The following DCHS2 variants were observed in gnomAD, a reference collection of about 807,000 sequenced individuals.
The protein encoded by DCHS2 is dachsous cadherin-related 2.
Under a neutral mutation model 182.4 loss-of-function variants are expected in DCHS2, and 142 were observed. The observed-to-expected ratio is 0.78, with a 90% confidence interval of 0.68 to 0.89. The LOEUF is 0.89. Ranked by LOEUF, DCHS2 falls within the 40% of genes least tolerant of loss-of-function variation. DCHS2 has a pLI of 0.00. For missense variants in DCHS2, 4,319 were observed against 4,198.6 expected (o/e 1.03, Z -0.79); for synonymous variants, 1,740 against 1,663.3 (o/e 1.05, Z -1.12).
At chr4:154,424,062 C>T (rs761111440) in intron 1 of DCHS2, among the ~76,000 whole-genome samples, 2 of 152,144 alleles carry the variant, frequency 1.3e-5, no homozygotes, top group Non-Finnish European at 2.9e-5. Context: ...TTAACAAATG[C>T]TTGATGAATT....
At chr4:154,323,606 A>T (rs1191818585) in intron 7 of DCHS2, among the ~76,000 whole-genome samples, 1 of 152,216 alleles carries the variant, frequency 6.6e-6, no homozygotes, top group Non-Finnish European at 1.5e-5. Context: ...TGAGATCCAA[A>T]ATATTCCAAA....
At chr4:154,475,554 A>G (rs1443489905) in intron 1 of DCHS2, among the ~76,000 whole-genome samples, 1 of 152,176 alleles carries the variant, frequency 6.6e-6, no homozygotes, top group African/African-American at 2.4e-5. Context: ...CAGTCCCATT[A>G]TTTGTTAAGA....
intron 1 of DCHS2, among the ~76,000 whole-genome samples, chr4:154,451,785 T>C (rs528429492): frequency 1.3e-5 from 2 of 152,310 alleles, no homozygotes; most frequent in East Asian, 1.9e-4. Context: ...TCTATACTGA[T>C]AAATGGGATG....
chr4:154,361,517 C>G (rs1730120933), intron 3 of DCHS2, among the ~76,000 whole-genome samples: 1 of 152,096 alleles, frequency 6.6e-6, no homozygotes, highest in African/African-American at 2.4e-5. Flanking sequence ...ATAAATATGT[C>G]TCTTGTGTTT....
At chr4:154,288,285 C>G (rs1357356210) in intron 13 of DCHS2, among the ~76,000 whole-genome samples, 1 of 152,082 alleles carries the variant, frequency 6.6e-6, no homozygotes, top group Non-Finnish European at 1.5e-5. Context: ...ATATTTATAT[C>G]ATATACAATA....
At chr4:154,346,656 C>G (rs1729375362) in intron 3 of DCHS2, among the ~76,000 whole-genome samples, 1 of 151,816 alleles carries the variant, frequency 6.6e-6, no homozygotes, top group South Asian at 2.1e-4. Flanking sequence ...TTCCTGGAAC[C>G]CTGAAAAGTC....
intron 3 of DCHS2, chr4:154,357,156 C>G: frequency 1.9e-6 from 2 of 1,063,680 alleles, no homozygotes; most frequent in South Asian, 1.4e-5. Context: ...CATATAGGTG[C>G]TTTCATGGCC....
chr4:154,484,956 A>G (rs114870667), intron 1 of DCHS2, among the ~76,000 whole-genome samples: 466 of 152,340 alleles, frequency 3.1e-3, no homozygotes, highest in African/African-American at 0.01. Flanking sequence ...GAATGCATCC[A>G]TGACAGGTTG....
intron 3 of DCHS2, among the ~76,000 whole-genome samples, chr4:154,359,429 A>G (rs1730019431): frequency 6.6e-6 from 1 of 152,152 alleles, no homozygotes; most frequent in African/African-American, 2.4e-5. Context: ...GTAGCAATTC[A>G]TAATTAGAAA....
chr4:154,412,324 C>A (rs1305107689), intron 1 of DCHS2, among the ~76,000 whole-genome samples: 1 of 152,146 alleles, frequency 6.6e-6, no homozygotes, highest in African/African-American at 2.4e-5. Flanking sequence ...CAACGTTTTA[C>A]CCCCATCAAT....
At chr4:154,271,837 C>CTG (rs1733612295) in intron 13 of DCHS2, among the ~76,000 whole-genome samples, 1 of 152,066 alleles carries the variant, frequency 6.6e-6, no homozygotes, top group African/African-American at 2.4e-5. Context: ...AATATATACA[C>CTG]TGTGTAATCA....
At chr4:154,390,025 A>G (rs913250933) in intron 1 of DCHS2, among the ~76,000 whole-genome samples, 2 of 152,074 alleles carry the variant, frequency 1.3e-5, no homozygotes, top group African/African-American at 4.8e-5. Context: ...ATCTTTTTAG[A>G]TTACTTGCTT....
intron 1 of DCHS2, among the ~76,000 whole-genome samples, chr4:154,395,223 T>C (rs1731878864): frequency 1.3e-5 from 2 of 152,184 alleles, no homozygotes; most frequent in Admixed American, 1.3e-4. Context: ...CCACATAGTC[T>C]TTCCACAACA....
intron 1 of DCHS2, among the ~76,000 whole-genome samples, chr4:154,443,361 A>T (rs1166949005): frequency 2.6e-5 from 4 of 152,156 alleles, no homozygotes; most frequent in African/African-American, 9.6e-5. Flanking sequence ...GGTAAAATAA[A>T]TTTCTCTCCT....
At chr4:154,385,998 T>C (rs1037019998) in intron 1 of DCHS2, among the ~76,000 whole-genome samples, 5 of 152,218 alleles carry the variant, frequency 3.3e-5, no homozygotes, top group East Asian at 1.9e-4. Context: ...AAGTGACTAA[T>C]TGGCATCTCA....
rs1334549136 is a variant in DCHS2, at chr4:154,489,429, G to A, written c.1927C>T (p.Leu643Phe). 15 of 1,551,654 alleles carry A rather than the reference G, an allele frequency of 9.7e-6. No individual in the cohort carries two copies. The East Asian group carries it at 3.4e-4, about 35-fold the overall frequency. Residue 643 changes from leucine (L) to phenylalanine (F), a missense_variant, in exon 1 of 20, where the codon CTC becomes TTC. Leu to Phe is a conservative substitution (Grantham distance 22, BLOSUM62 0). Coordinates refer to ENST00000357232, the MANE Select transcript of DCHS2 (RefSeq NM_001358235.2). ...VVAQDLGEPP[L>F]SATCLVSITV... ...ATGCTCACCAGGCAGGTGGCAGAGA[G>A]TGGGGGCTCTCCGAGGTCCTGGGCC...
At chr4:154,336,614 T>G (rs1728822116) in intron 3 of DCHS2, among the ~76,000 whole-genome samples, 1 of 152,210 alleles carries the variant, frequency 6.6e-6, no homozygotes, top group East Asian at 1.9e-4. Context: ...TCTGCCCTCT[T>G]GCAACTTCGA....
chr4:154,292,953 C>A (rs13116186), intron 13 of DCHS2, among the ~76,000 whole-genome samples: 14,194 of 152,258 alleles, frequency 0.093, 820 homozygotes, highest in Middle Eastern at 0.17. Context: ...GTTTCTCTAA[C>A]ACCATCCTCC....
chr4:154,251,003 G>A (rs1008910517), intron 16 of DCHS2, among the ~76,000 whole-genome samples: 11 of 152,072 alleles, frequency 7.2e-5, no homozygotes, highest in Non-Finnish European at 2.9e-5. Context: ...TCACGTTCCC[G>A]TGCCTTTGGC....
Sources: gnomAD v4.1 joint callset for allele counts (sites outside exome capture counted in the v4.1 genomes callset) on GRCh38, gnomAD v4.1.1 for gene constraint, MANE v1.5 for transcripts, NCBI Gene and HGNC (gene_info 2026-07-23, HGNC 2026-07-21) for gene names.